Variants in KLF8 observed in about 807,000 individuals in gnomAD.
KLF8 encodes the protein Krueppel-like factor 8.
A neutral mutation model predicts 18.2 loss-of-function variants in KLF8; 10 were observed. That is an observed-to-expected ratio of 0.55 (90% confidence interval 0.34 to 0.93). The LOEUF (loss-of-function observed/expected upper bound fraction) is 0.93. KLF8 is among the 40% of genes least tolerant of loss of function. The pLI is 0.02. For missense variants in KLF8, 264 were observed against 277.9 expected (o/e 0.95, Z 0.36); for synonymous variants, 109 against 97.3 (o/e 1.12, Z -0.71).
chrX:56,242,387 T>C (rs2066558578), intron 1 of KLF8, among the ~76,000 whole-genome samples: 1 of 112,247 alleles, frequency 8.9e-6, no homozygotes, highest in South Asian at 3.7e-4. Flanking sequence ...ACCGTATTTA[T>C]GTACTTTTAA....
At chrX:56,143,129 C>G in the KLF8 span, among the ~76,000 whole-genome samples, 1 of 111,442 alleles carries the variant, frequency 9.0e-6, no homozygotes, top group East Asian at 2.8e-4. Context: ...TTTTGCGACT[C>G]TTCCCTTTTC....
At chrX:56,198,219 C>T in the KLF8 span, among the ~76,000 whole-genome samples, 7 of 111,706 alleles carry the variant, frequency 6.3e-5, no homozygotes, top group African/African-American at 6.5e-5. Flanking sequence ...TTCAACATAG[C>T]GTTGGAAGTT....
chrX:56,014,652 G>T, the KLF8 span, among the ~76,000 whole-genome samples: 1 of 110,761 alleles, frequency 9.0e-6, no homozygotes, highest in Non-Finnish European at 1.9e-5. Flanking sequence ...AATATAAATT[G>T]TTCTATTATA....
the KLF8 span, among the ~76,000 whole-genome samples, chrX:56,077,821 G>A: frequency 9.0e-5 from 10 of 111,276 alleles, no homozygotes; most frequent in African/African-American, 2.9e-4. Flanking sequence ...ATTTCATTGA[G>A]CAGTGGTTTG....
the KLF8 span, among the ~76,000 whole-genome samples, chrX:56,017,433 A>G: frequency 1.8e-5 from 2 of 112,566 alleles, no homozygotes; most frequent in Non-Finnish European, 3.7e-5. Flanking sequence ...ACCCTTTCAG[A>G]CAAAACCAGA....
At chrX:55,933,050 G>A in the KLF8 span, among the ~76,000 whole-genome samples, 1 of 111,355 alleles carries the variant, frequency 9.0e-6, no homozygotes, top group Admixed American at 9.6e-5. Context: ...ATACTCAAAT[G>A]GATGTTTTTT....
At chrX:56,216,131 A>G in the KLF8 span, among the ~76,000 whole-genome samples, 6 of 109,048 alleles carry the variant, frequency 5.5e-5, no homozygotes, top group Non-Finnish European at 1.1e-4. Flanking sequence ...TCCTATACTT[A>G]TCTAAAATCA....
the KLF8 span, among the ~76,000 whole-genome samples, chrX:55,969,341 T>C: frequency 7.2e-5 from 8 of 111,649 alleles, no homozygotes; most frequent in African/African-American, 2.6e-4. Context: ...AACAATATGC[T>C]CCTGAATGAC....
the KLF8 span, among the ~76,000 whole-genome samples, chrX:56,023,775 G>T: frequency 9.0e-6 from 1 of 111,091 alleles, no homozygotes; most frequent in African/African-American, 3.3e-5. Context: ...TATTTTTGCA[G>T]GTCTTTACTC....
chrX:56,228,865 T>C (rs751623359), upstream of KLF8, among the ~76,000 whole-genome samples: 2 of 111,856 alleles, frequency 1.8e-5, no homozygotes, highest in South Asian at 3.8e-4. Context: ...GCCCTGGTTT[T>C]AGCTACATTT....
At chrX:56,110,408 G>T in the KLF8 span, among the ~76,000 whole-genome samples, 1 of 111,416 alleles carries the variant, frequency 9.0e-6, no homozygotes. Context: ...CGTTCATTTT[G>T]TACATTCTGC....
the KLF8 span, among the ~76,000 whole-genome samples, chrX:55,910,727 A>T: frequency 3.1e-4 from 35 of 112,669 alleles, no homozygotes; most frequent in African/African-American, 1.1e-3. Context: ...ATTAAAGAGA[A>T]TGAATCTTGA....
the KLF8 span, among the ~76,000 whole-genome samples, chrX:55,987,425 C>T: frequency 9.1e-6 from 1 of 110,473 alleles, no homozygotes; most frequent in South Asian, 3.9e-4. Flanking sequence ...TGTTCAACTC[C>T]CACCCATGAG....
At chrX:56,107,178 GA>G in the KLF8 span, among the ~76,000 whole-genome samples, 1 of 112,069 alleles carries the variant, frequency 8.9e-6, no homozygotes, top group South Asian at 3.7e-4. Context: ...AGGGGTCGGG[GA>G]CCCACTGGAG....
chrX:56,038,837 G>T, the KLF8 span, among the ~76,000 whole-genome samples: 1 of 112,318 alleles, frequency 8.9e-6, no homozygotes, highest in Non-Finnish European at 1.9e-5. Flanking sequence ...CACCAACAGT[G>T]AAAAAGTGTT....
At chrX:55,996,339 C>G in the KLF8 span, among the ~76,000 whole-genome samples, 3 of 111,675 alleles carry the variant, frequency 2.7e-5, no homozygotes, top group Non-Finnish European at 5.6e-5. Context: ...TGTTGCCATC[C>G]AAACTTTTAA....
chrX:56,101,115 C>A, the KLF8 span, among the ~76,000 whole-genome samples: 2 of 110,965 alleles, frequency 1.8e-5, no homozygotes, highest in African/African-American at 3.3e-5. Flanking sequence ...GATAGTGCAC[C>A]TCTCCCATAC....
the KLF8 span, among the ~76,000 whole-genome samples, chrX:56,012,739 C>A: frequency 2.7e-5 from 3 of 111,456 alleles, no homozygotes; most frequent in Non-Finnish European, 5.7e-5. Context: ...TAAGCAACTT[C>A]AGTAACATTG....
chrX:56,073,748 CT>C, the KLF8 span, among the ~76,000 whole-genome samples: 47 of 92,543 alleles, frequency 5.1e-4, no homozygotes, highest in Admixed American at 7.5e-4. Context: ...CTAATGATGG[CT>C]TTTTTTTTTT....
Sources: allele counts gnomAD v4.1 joint callset (sites outside exome capture counted in the v4.1 genomes callset), GRCh38; gene constraint gnomAD v4.1.1; transcripts MANE v1.5; gene names NCBI Gene and HGNC (gene_info 2026-07-23, HGNC 2026-07-21).